SCLT1: variants seen among roughly 807,000 people sequenced by gnomAD.
The protein encoded by SCLT1 is sodium channel-associated protein 1.
SCLT1 carries 78 observed loss-of-function variants against 112.8 expected under a neutral mutation model. The ratio of observed to expected loss-of-function variants is 0.69; its 90% CI spans 0.58 to 0.83. The LOEUF (loss-of-function observed/expected upper bound fraction) is 0.83. SCLT1 is among the 40% of genes least tolerant of loss of function. The probability of loss-of-function intolerance (pLI) is 0.00; values close to 1 mark genes in which losing one functional copy is unlikely to be tolerated. For missense variants in SCLT1, 747 were observed against 770.4 expected, an observed-to-expected ratio of 0.97 and a Z score of 0.36; for synonymous variants, 257 against 254.7, an observed-to-expected ratio of 1.01 and a Z score of -0.09.
chr4:128,940,619 A>G (rs1737610127), intron 17 of SCLT1, among the ~76,000 whole-genome samples: 1 of 152,006 alleles, frequency 6.6e-6, no homozygotes, highest in Non-Finnish European at 1.5e-5. Flanking sequence ...TCAAAAATAC[A>G]TATGTGTACA....
intron 18 of SCLT1, among the ~76,000 whole-genome samples, chr4:128,904,410 A>T (rs975087396): frequency 2.6e-5 from 4 of 152,182 alleles, no homozygotes; most frequent in Admixed American, 2.6e-4. Context: ...AAGTTTACTA[A>T]GTAATTTACA....
chr4:128,881,280 T>C (rs1428989547), downstream of SCLT1, among the ~76,000 whole-genome samples: 1 of 152,192 alleles, frequency 6.6e-6, no homozygotes, highest in African/African-American at 2.4e-5. Context: ...AAAAAGCTCA[T>C]TACAAATTTA....
chr4:128,941,738 C>T (rs555419966), intron 17 of SCLT1, among the ~76,000 whole-genome samples: 1 of 152,138 alleles, frequency 6.6e-6, no homozygotes, highest in Non-Finnish European at 1.5e-5. Flanking sequence ...AGAAATATTT[C>T]AAACCCAAAG....
intron 1 of SCLT1, among the ~76,000 whole-genome samples, chr4:129,090,428 C>T (rs1752735787): frequency 6.6e-6 from 1 of 152,182 alleles, no homozygotes; most frequent in African/African-American, 2.4e-5. Flanking sequence ...TGGATCCTTA[C>T]CTCATCCCTT....
intron 5 of SCLT1, among the ~76,000 whole-genome samples, chr4:129,024,050 G>A (rs1193140024): frequency 6.6e-6 from 1 of 152,240 alleles, no homozygotes; most frequent in Non-Finnish European, 1.5e-5. Context: ...CTCGAACTGG[G>A]TGGAGCCCAC....
rs113087011 is a variant in SCLT1, at chr4:128,924,746, A to G, written c.1829+11909T>C. 2.7e-3 allele frequency among the ~76,000 whole-genome samples: 408 copies of G among 152,144 alleles called. 1 individual carries two copies. Among genetic ancestry groups the G allele is most frequent in the Middle Eastern group, 0.01 (3 of 294 alleles). On this transcript the variant is annotated intron_variant, in intron 18 of 20. Coordinates refer to ENST00000281142, the MANE Select transcript of SCLT1 (RefSeq NM_144643.4). ...TTATTTTTGTGTATGGTGTGATGTA[A>G]TGGCGTGGCACGTAAGCTCTGAAAC...
chr4:128,959,920 T>C (rs1033931037), intron 11 of SCLT1, 143 bp from the exon 12 acceptor site: 2 of 645,422 alleles, frequency 3.1e-6, no homozygotes, highest in South Asian at 3.9e-5. Flanking sequence ...TCATTACCCT[T>C]CTATAAAGTA....
chr4:128,927,030 A>G (rs2125968508), intron 18 of SCLT1, among the ~76,000 whole-genome samples: 1 of 152,224 alleles, frequency 6.6e-6, no homozygotes, highest in East Asian at 1.9e-4. Context: ...AAAGAAAAAA[A>G]GGAATAAAGC....
At chr4:128,946,203 A>T in intron 15 of SCLT1, 51 bp from the exon 16 acceptor site, 1 of 1,254,772 alleles carries the variant, frequency 8.0e-7, no homozygotes, top group Non-Finnish European at 1.1e-6. Context: ...AACTGTCTTA[A>T]TAAACAGTTT....
intron 5 of SCLT1, among the ~76,000 whole-genome samples, chr4:129,017,371 A>G (rs1221219419): frequency 6.6e-6 from 1 of 152,150 alleles, no homozygotes; most frequent in Non-Finnish European, 1.5e-5. Flanking sequence ...TCCTTATATC[A>G]TCTATCTTTG....
At chr4:128,879,132 A>C (rs796163160), downstream of SCLT1, among the ~76,000 whole-genome samples, 7 of 152,284 alleles carry the variant, frequency 4.6e-5, no homozygotes, top group African/African-American at 1.7e-4. Flanking sequence ...TATTAAAAAA[A>C]AAAAAGCTCA....
chr4:128,909,547 C>T (rs1432230552), intron 18 of SCLT1, among the ~76,000 whole-genome samples: 1 of 152,198 alleles, frequency 6.6e-6, no homozygotes, highest in East Asian at 1.9e-4. Flanking sequence ...TGCACCCAGC[C>T]TCTAAACTTT....
chr4:129,053,506 C>T (rs1324394591), intron 2 of SCLT1, among the ~76,000 whole-genome samples: 1 of 134,958 alleles, frequency 7.4e-6, no homozygotes, highest in Non-Finnish European at 1.6e-5. Context: ...TCTCTTTTGA[C>T]CTTTGTTGGT....
intron 5 of SCLT1, among the ~76,000 whole-genome samples, chr4:129,010,963 G>C (rs1744468079): frequency 2.6e-5 from 4 of 152,166 alleles, no homozygotes; most frequent in Admixed American, 1.3e-4. Flanking sequence ...ATGTCAAATA[G>C]GAGTGGCGAG....
intron 18 of SCLT1, among the ~76,000 whole-genome samples, chr4:128,917,435 A>G (rs893699656): frequency 6.6e-6 from 1 of 152,176 alleles, no homozygotes; most frequent in African/African-American, 2.4e-5. Context: ...TGATCCTGAT[A>G]CTAATCCCCA....
intron 4 of SCLT1, among the ~76,000 whole-genome samples, chr4:129,042,635 C>CA (rs771125506): frequency 1.3e-5 from 2 of 152,188 alleles, no homozygotes; most frequent in Admixed American, 1.3e-4. Flanking sequence ...AATTAAAAGA[C>CA]AAAACTGAAG....
At chr4:128,903,860 C>T (rs562033558) in intron 18 of SCLT1, among the ~76,000 whole-genome samples, 3 of 152,222 alleles carry the variant, frequency 2.0e-5, no homozygotes, top group Admixed American at 1.3e-4. Context: ...AGACATTTTC[C>T]CTTCATTAGA....
intron 16 of SCLT1, 34 bp from the exon 17 acceptor site, chr4:128,943,222 A>C: frequency 6.9e-7 from 1 of 1,440,228 alleles, no homozygotes; most frequent in Non-Finnish European, 9.6e-7. Flanking sequence ...GAATCCTTAA[A>C]CTTAATGATC....
chr4:128,959,182 C>A (rs1739466167), intron 12 of SCLT1, among the ~76,000 whole-genome samples: 1 of 152,104 alleles, frequency 6.6e-6, no homozygotes, highest in African/African-American at 2.4e-5. Context: ...GTAAATAAAT[C>A]TTTAAAGCTA....
Sources: gnomAD v4.1 joint callset for allele counts (sites outside exome capture counted in the v4.1 genomes callset) on GRCh38, gnomAD v4.1.1 for gene constraint, MANE v1.5 for transcripts, NCBI Gene and HGNC (gene_info 2026-07-23, HGNC 2026-07-21) for gene names.